CDH12: variants seen among roughly 807,000 people sequenced by gnomAD.
CDH12 encodes the protein cadherin-12.
CDH12 carries 41 observed loss-of-function variants against 74.1 expected under a neutral mutation model. The observed-to-expected ratio is 0.55, with a 90% CI of 0.43 to 0.72. The LOEUF is 0.72. CDH12 is among the 30% of genes least tolerant of loss of function. The pLI is 0.00. For missense variants in CDH12, 945 were observed against 977.2 expected, an observed-to-expected ratio of 0.97 and a Z score of 0.44; for synonymous variants, 399 against 355.0, an observed-to-expected ratio of 1.12 and a Z score of -1.39.
chr5:21,953,880 T>G (rs1232116621), intron 6 of CDH12, among the ~76,000 whole-genome samples: 1 of 152,120 alleles, frequency 6.6e-6, no homozygotes, highest in Admixed American at 6.6e-5. Flanking sequence ...TACAGAAAAT[T>G]GGTTTCTCAG....
chr5:22,041,630 T>C (rs994752933), intron 5 of CDH12, among the ~76,000 whole-genome samples: 1 of 152,140 alleles, frequency 6.6e-6, no homozygotes, highest in African/African-American at 2.4e-5. Context: ...CAATTATATA[T>C]GCACCTAACA....
At chr5:21,925,098 G>A (rs1396875940) in intron 6 of CDH12, among the ~76,000 whole-genome samples, 2 of 152,148 alleles carry the variant, frequency 1.3e-5, no homozygotes, top group South Asian at 2.1e-4. Flanking sequence ...CAGCTACAGC[G>A]TTACTACAGC....
Position 22,044,560 on chromosome 5 carries a change from C to T in CDH12, c.231+33886G>A, listed in dbSNP as rs1739800932. 2.0e-5 allele frequency among the ~76,000 whole-genome samples: 3 copies of T among 152,266 alleles called. No homozygotes were observed. In the South Asian group the frequency reaches 6.2e-4, roughly 32 times the overall value. Reference sequence around the variant, plus strand: ...CTAATCACCCCCCATCAGGTCCATCCCTCAACATGTGGGGATTACAATTTG... The same window carrying T: ...CTAATCACCCCCCATCAGGTCCATCTCTCAACATGTGGGGATTACAATTTG... On this transcript the variant is annotated intron_variant, in intron 5 of 14. Coordinates refer to ENST00000382254, the MANE Select transcript of CDH12 (RefSeq NM_004061.5).
At chr5:21,867,580 T>C (rs935973324) in intron 6 of CDH12, among the ~76,000 whole-genome samples, 5 of 152,182 alleles carry the variant, frequency 3.3e-5, no homozygotes, top group Non-Finnish European at 7.3e-5. Context: ...TCCTGCTGGA[T>C]TTTGAACTTG....
At chr5:22,661,808 C>G (rs150069871) in intron 1 of CDH12, among the ~76,000 whole-genome samples, 10 of 152,180 alleles carry the variant, frequency 6.6e-5, no homozygotes, top group Admixed American at 6.5e-4. Flanking sequence ...TTAGGACAGG[C>G]TCTTCCACAA....
rs560949342 is a variant in CDH12 at position 22,265,641 on chromosome 5, T to A, written c.-332-52998A>T. 7.9e-5 allele frequency among the ~76,000 whole-genome samples: 12 copies of A among 152,280 alleles called. No homozygotes were observed. In the East Asian group the frequency reaches 2.3e-3, roughly 29 times the overall value. ...CAGTTGTAGATAAGAAGGCACAGTT[T>A]CTGTTTCCAGGAACAGAATTTGTAT... On this transcript the variant is annotated intron_variant, in intron 3 of 14. Transcript: ENST00000382254.
intron 1 of CDH12, among the ~76,000 whole-genome samples, chr5:22,754,699 T>C (rs941950524): frequency 2.0e-5 from 3 of 151,482 alleles, no homozygotes; most frequent in African/African-American, 7.3e-5. Context: ...AATACATGAG[T>C]CTGTAATGAG....
intron 3 of CDH12, among the ~76,000 whole-genome samples, chr5:22,255,807 G>A (rs1008271795): frequency 2.6e-4 from 40 of 151,910 alleles, no homozygotes; most frequent in African/African-American, 8.4e-4. Flanking sequence ...TGATATCTAG[G>A]AAGAAGCTGG....
At chr5:22,100,993 ATTC>A (rs1461017776) in intron 4 of CDH12, among the ~76,000 whole-genome samples, 1 of 152,076 alleles carries the variant, frequency 6.6e-6, no homozygotes, top group Non-Finnish European at 1.5e-5. Flanking sequence ...TTTACAATAG[ATTC>A]TTATTTCTAA....
intron 2 of CDH12, among the ~76,000 whole-genome samples, chr5:22,485,342 C>G (rs1182690937): frequency 6.6e-6 from 1 of 152,112 alleles, no homozygotes; most frequent in Non-Finnish European, 1.5e-5. Flanking sequence ...CCACCATGCC[C>G]AGTTAATTAA....
In CDH12 at chr5:22,086,584, C is replaced by G. The variant is rs369842631; in HGVS notation, c.-186-7722G>C. Reference sequence around the variant, plus strand: ...ATCTTGGCCAGGCTGGCATTGAACTCCTGACCTTGTGATCCACCCGCCTTG... The same window carrying G: ...ATCTTGGCCAGGCTGGCATTGAACTGCTGACCTTGTGATCCACCCGCCTTG... On this transcript the variant is annotated intron_variant, in intron 4 of 14. Transcript: ENST00000382254. Among the ~76,000 whole-genome samples the G allele has an allele frequency of 1.7e-3, 266 of 152,126 alleles. 1 individual carries two copies. Among genetic ancestry groups the G allele is most frequent in the Non-Finnish European group, 3.1e-3 (208 of 68,002 alleles).
chr5:22,844,689 C>T (rs1298971324), intron 1 of CDH12, among the ~76,000 whole-genome samples: 1 of 152,104 alleles, frequency 6.6e-6, no homozygotes, highest in Non-Finnish European at 1.5e-5. Flanking sequence ...AGATACTCCA[C>T]AAGAGGAAAT....
At chr5:22,655,011 T>TA (rs1739962608) in intron 1 of CDH12, among the ~76,000 whole-genome samples, 1 of 152,152 alleles carries the variant, frequency 6.6e-6, no homozygotes, top group South Asian at 2.1e-4. Context: ...CAACCGTCCT[T>TA]AAAAGCTCTA....
At chr5:22,444,361 C>T (rs550093601) in intron 2 of CDH12, among the ~76,000 whole-genome samples, 1 of 152,110 alleles carries the variant, frequency 6.6e-6, no homozygotes, top group African/African-American at 2.4e-5. Flanking sequence ...ACACTTCTCC[C>T]TCTCGTTTGT....
intron 1 of CDH12, among the ~76,000 whole-genome samples, chr5:22,842,839 C>G (rs1737138747): frequency 6.6e-6 from 1 of 151,980 alleles, no homozygotes; most frequent in South Asian, 2.1e-4. Flanking sequence ...GTAATACTCC[C>G]TAATGCAGTT....
intron 7 of CDH12, among the ~76,000 whole-genome samples, chr5:21,853,167 G>C (rs1056613800): frequency 1.3e-5 from 2 of 151,264 alleles, no homozygotes; most frequent in Non-Finnish European, 3.0e-5. Context: ...CCTTTTAGAT[G>C]ATATTGCTAA....
At chr5:22,600,248 C>A (rs980238172) in intron 1 of CDH12, among the ~76,000 whole-genome samples, 3 of 152,084 alleles carry the variant, frequency 2.0e-5, no homozygotes, top group African/African-American at 7.2e-5. Context: ...GCACACAATG[C>A]TATTCGTGTC....
At chr5:22,469,061 C>A (rs1745853404) in intron 2 of CDH12, among the ~76,000 whole-genome samples, 1 of 152,142 alleles carries the variant, frequency 6.6e-6, no homozygotes, top group Admixed American at 6.5e-5. Context: ...CAATTCAGAT[C>A]ACCTTAATCA....
At chr5:22,370,379 C>T (rs896619603) in intron 3 of CDH12, among the ~76,000 whole-genome samples, 3 of 152,078 alleles carry the variant, frequency 2.0e-5, no homozygotes, top group Admixed American at 2.0e-4. Context: ...GAAAGGTGCT[C>T]AATGGAGTAA....
Sources: gnomAD v4.1 joint callset for allele counts (sites outside exome capture counted in the v4.1 genomes callset) on GRCh38, gnomAD v4.1.1 for gene constraint, MANE v1.5 for transcripts, NCBI Gene and HGNC (gene_info 2026-07-23, HGNC 2026-07-21) for gene names.